The following NRG1 variants were observed in gnomAD, a reference collection of about 807,000 sequenced individuals.
The protein encoded by NRG1 is pro-neuregulin-1, membrane-bound isoform.
A neutral mutation model predicts 63.8 loss-of-function variants in NRG1; 18 were observed. That is an observed-to-expected ratio of 0.28 (90% confidence interval 0.19 to 0.42). NRG1 has a LOEUF of 0.42. NRG1 is among the 10% of genes least tolerant of loss of function. The pLI is 1.00. For missense variants in NRG1, 762 were observed against 814.7 expected, an observed-to-expected ratio of 0.94 and a Z score of 0.79; for synonymous variants, 302 against 301.3, an observed-to-expected ratio of 1.00 and a Z score of -0.02.
intron 1 of NRG1, among the ~76,000 whole-genome samples, chr8:32,165,747 C>A (rs570930314): frequency 1.2e-4 from 18 of 152,154 alleles, no homozygotes; most frequent in Non-Finnish European, 2.4e-4. Flanking sequence ...GTCTGAACCT[C>A]TTTATCTCAT....
At chr8:32,042,961 A>AGTGTGTGTGTGAGTGTGTGT (rs1554609383) in intron 1 of NRG1, among the ~76,000 whole-genome samples, 4 of 140,008 alleles carry the variant, frequency 2.9e-5, no homozygotes, top group African/African-American at 1.0e-4. Context: ...GAAAGAGTGC[A>AGTGTGTGTGTGAGTGTGTGT]GTGTGTGTGT....
rs371039140 is a variant in NRG1 at position 32,352,961 on chromosome 8, T to TATATAG, written c.38-242866_38-242865insTATAGA. On this transcript the variant is annotated intron_variant, in intron 1 of 10. Coordinates refer to the NRG1 transcript ENST00000519301. ...ATATGTGTGTGTGTATATATATATATACAGAGAGAGAGAGACAGAGAGAGA... is the reference window on the plus strand; with the variant it reads ...ATATGTGTGTGTGTATATATATATATATATAGACAGAGAGAGAGAGACAGAGAGAGA... 7.6e-4 allele frequency among the ~76,000 whole-genome samples: 112 copies of TATATAG among 148,098 alleles called. 4 individuals carry two copies. The South Asian group carries it at 0.014, about 19-fold the overall frequency.
intron 1 of NRG1, among the ~76,000 whole-genome samples, chr8:32,197,158 C>T (rs1246075816): frequency 6.6e-6 from 1 of 151,606 alleles, no homozygotes; most frequent in Non-Finnish European, 1.5e-5. Flanking sequence ...AATGGGATTT[C>T]GCCATAATGG....
chr8:32,222,471 TAGAAAC>T (rs1413695884), intron 1 of NRG1, among the ~76,000 whole-genome samples: 6 of 152,014 alleles, frequency 3.9e-5, no homozygotes, highest in African/African-American at 1.2e-4. Flanking sequence ...TGTTAACCCC[TAGAAAC>T]AGAAAGAAAG....
intron 1 of NRG1, among the ~76,000 whole-genome samples, chr8:31,852,666 A>G (rs1827372683): frequency 1.3e-5 from 2 of 151,900 alleles, no homozygotes; most frequent in Non-Finnish European, 2.9e-5. Flanking sequence ...TTGGTGTTTT[A>G]GACATGAAGT....
intron 1 of NRG1, among the ~76,000 whole-genome samples, chr8:31,869,624 G>A (rs149602633): frequency 6.6e-6 from 1 of 152,122 alleles, no homozygotes; most frequent in Admixed American, 6.6e-5. Flanking sequence ...TGCCTTTCAG[G>A]GATTATTCGT....
chr8:31,894,624 C>T (rs1474325547), intron 1 of NRG1, among the ~76,000 whole-genome samples: 1 of 145,730 alleles, frequency 6.9e-6, no homozygotes, highest in Non-Finnish European at 1.5e-5. Flanking sequence ...GATCTTGGCT[C>T]ACTGCGAGCT....
Position 32,760,188 on chromosome 8 carries a change from T to A in NRG1, c.1053-12T>A. The A allele has an allele frequency of 6.2e-7, 1 of 1,613,762 alleles. No individual in the cohort carries two copies. The highest frequency in any genetic ancestry group is 2.2e-5 in the East Asian group (1 of 44,852). ...ACGAAATATCTGATTGTCTCTCCCA[T>A]TTCCTCCGCAGCTGGAGCAACGGAC... On this transcript the variant is annotated splice_polypyrimidine_tract_variant and intron_variant, in intron 10 of 11. Transcript: ENST00000356819.
chr8:31,646,895 A>G (rs1211562989), intron 1 of NRG1, among the ~76,000 whole-genome samples: 1 of 152,174 alleles, frequency 6.6e-6, no homozygotes, highest in East Asian at 1.9e-4. Flanking sequence ...ATCTGGATCG[A>G]CCTTTGGGGC....
intron 1 of NRG1, among the ~76,000 whole-genome samples, chr8:32,022,308 A>G (rs1368170950): frequency 6.6e-6 from 1 of 152,206 alleles, no homozygotes; most frequent in Admixed American, 6.5e-5. Flanking sequence ...GAAAGTATTT[A>G]TTAATCAATG....
chr8:32,522,808 C>CTT lies in NRG1; in HGVS notation c.38-73006_38-73005dup, dbSNP rs56103865. ...TTTGTTGAGTTGGCACCCAATTTGC[C>CTT]TTTTTTTTTTTTTTTGAGACAGGGT... On this transcript the variant is annotated intron_variant, in intron 1 of 10. Coordinates refer to the NRG1 transcript ENST00000519301. 4.4e-3 allele frequency among the ~76,000 whole-genome samples: 617 copies of CTT among 139,462 alleles called. 6 individuals are homozygous for CTT. The highest frequency in any genetic ancestry group is 0.015 in the African/African-American group (578 of 38,164). The allele number at this position is 139,462 out of a possible 152,430, so 91.5% of individuals were successfully genotyped here.
intron 5 of NRG1, among the ~76,000 whole-genome samples, chr8:32,701,165 T>C (rs1195357307): frequency 6.6e-6 from 1 of 152,218 alleles, no homozygotes; most frequent in African/African-American, 2.4e-5. Context: ...TCTATCCTCA[T>C]CTTCTCTATT....
At chr8:32,281,303 G>A (rs1040924373) in intron 1 of NRG1, among the ~76,000 whole-genome samples, 4 of 149,402 alleles carry the variant, frequency 2.7e-5, no homozygotes, top group Non-Finnish European at 5.9e-5. Flanking sequence ...TCAGCCTCCT[G>A]AGTAGTTGGG....
At chr8:32,371,559 T>C (rs908728802) in intron 1 of NRG1, among the ~76,000 whole-genome samples, 2 of 152,146 alleles carry the variant, frequency 1.3e-5, no homozygotes, top group Non-Finnish European at 2.9e-5. Context: ...TCAACTTCTG[T>C]AGCAGATGGA....
Position 31,911,397 on chromosome 8 carries a change from T to C in NRG1, c.37+271966T>C, listed in dbSNP as rs538901263. On this transcript the variant is annotated intron_variant, in intron 1 of 10. Coordinates refer to the NRG1 transcript ENST00000519301. Reference sequence around the variant, plus strand: ...GGTACATATACACTACTGAATACTGTGCAGCTGTAAAAAAGAACAGGATCA... The same window carrying C: ...GGTACATATACACTACTGAATACTGCGCAGCTGTAAAAAAGAACAGGATCA... 1.9e-4 allele frequency among the ~76,000 whole-genome samples: 29 copies of C among 152,272 alleles called. 1 individual carries two copies. The highest frequency in any genetic ancestry group is 5.5e-4 in the African/African-American group (23 of 41,560).
At chr8:31,805,052 GTCAGAAAGGACT>G (rs1220917402) in intron 1 of NRG1, among the ~76,000 whole-genome samples, 2 of 152,102 alleles carry the variant, frequency 1.3e-5, no homozygotes, top group Admixed American at 1.3e-4. Context: ...TAACCAAATT[GTCAGAAAGGACT>G]GAAGGTTATC....
At chr8:31,822,564 T>C (rs1824109351) in intron 1 of NRG1, among the ~76,000 whole-genome samples, 1 of 152,204 alleles carries the variant, frequency 6.6e-6, no homozygotes, top group South Asian at 2.1e-4. Context: ...CCAGTCGTAC[T>C]GGAGATTTCT....
chr8:32,324,470 G>A (rs539578112), intron 1 of NRG1, among the ~76,000 whole-genome samples: 10 of 152,280 alleles, frequency 6.6e-5, no homozygotes, highest in South Asian at 2.1e-4. Flanking sequence ...CCTGAGTTGG[G>A]ATGTAGGTGT....
intron 1 of NRG1, among the ~76,000 whole-genome samples, chr8:31,996,548 A>G (rs1811999221): frequency 6.6e-6 from 1 of 151,786 alleles, no homozygotes; most frequent in African/African-American, 2.4e-5. Context: ...CCTGAGTAAC[A>G]AGTGAGACCC....
Sources: allele counts gnomAD v4.1 joint callset (sites outside exome capture counted in the v4.1 genomes callset), GRCh38; gene constraint gnomAD v4.1.1; transcripts MANE v1.5; gene names NCBI Gene and HGNC (gene_info 2026-07-23, HGNC 2026-07-21).